The following SH3PXD2A variants were observed in gnomAD, a reference collection of about 807,000 sequenced individuals.
SH3PXD2A encodes SH3 and PX domain-containing protein 2A.
A neutral mutation model predicts 115.2 loss-of-function variants in SH3PXD2A; 32 were observed. That is an observed-to-expected ratio of 0.28 (90% CI 0.21 to 0.37). SH3PXD2A has a LOEUF of 0.37. Ranked by LOEUF, SH3PXD2A falls within the 10% of genes least tolerant of loss-of-function variation. SH3PXD2A has a pLI of 1.00. For synonymous variants in SH3PXD2A, 610 were observed against 629.1 expected, an observed-to-expected ratio of 0.97 and a Z score of 0.45; for missense variants, 1,328 against 1,498.7, an observed-to-expected ratio of 0.89 and a Z score of 1.88.
intron 4 of SH3PXD2A, among the ~76,000 whole-genome samples, chr10:103,728,017 G>A (rs149270614): frequency 1.6e-4 from 24 of 152,388 alleles, no homozygotes; most frequent in African/African-American, 5.8e-4. Context: ...TAGGGGGCCA[G>A]ATAATGGGCA....
At chr10:103,738,134 T>A (rs1214515368) in intron 3 of SH3PXD2A, among the ~76,000 whole-genome samples, 1 of 152,252 alleles carries the variant, frequency 6.6e-6, no homozygotes, top group Non-Finnish European at 1.5e-5. Flanking sequence ...GCCATCTCCC[T>A]GTCAGATGGA....
intron 8 of SH3PXD2A, 50 bp downstream of exon 8, chr10:103,660,933 C>T (rs774399973): frequency 1.9e-6 from 3 of 1,605,070 alleles, no homozygotes; most frequent in South Asian, 2.2e-5. Context: ...CAGCTCGGCC[C>T]GGGGGCCAGA....
At chr10:103,604,166 CCCT>C (rs1291881477) in intron 14 of SH3PXD2A, among the ~76,000 whole-genome samples, 1 of 152,240 alleles carries the variant, frequency 6.6e-6, no homozygotes, top group Non-Finnish European at 1.5e-5. Flanking sequence ...GCTGCCCCTT[CCCT>C]CCTCGTACCC....
intron 2 of SH3PXD2A, among the ~76,000 whole-genome samples, chr10:103,797,704 C>T (rs1205967845): frequency 1.8e-5 from 2 of 109,750 alleles, no homozygotes; most frequent in African/African-American, 7.2e-5. Flanking sequence ...TGCTTCAGAT[C>T]TTAGAATCTG....
chr10:103,791,693 C>A (rs2039037896), intron 2 of SH3PXD2A, among the ~76,000 whole-genome samples: 1 of 152,132 alleles, frequency 6.6e-6, no homozygotes, highest in Non-Finnish European at 1.5e-5. Context: ...TGCTTGGAAC[C>A]AGGTCCCGAG....
chr10:103,742,774 GTC>G (rs1312307825), intron 3 of SH3PXD2A, among the ~76,000 whole-genome samples: 2 of 152,214 alleles, frequency 1.3e-5, no homozygotes, highest in East Asian at 1.9e-4. Context: ...CAGCTCCGGA[GTC>G]TCAGCCTGAG....
Position 103,757,475 on chromosome 10 carries a change from C to T in SH3PXD2A, c.229+9619G>A, listed in dbSNP as rs189087176. Among the ~76,000 whole-genome samples the T allele has an allele frequency of 7.9e-5, 12 of 152,188 alleles. No homozygotes were observed. The East Asian group carries it at 1.2e-3, about 15-fold the overall frequency. On this transcript the variant is annotated intron_variant, in intron 3 of 14. Transcript: ENST00000369774. ...TACCTAGGATACAATCCATCCAGGA[C>T]GGAGGGTTGGGGGTAGGTGTTCAGG...
At chr10:103,769,393 T>C (rs1051941809) in intron 2 of SH3PXD2A, among the ~76,000 whole-genome samples, 6 of 151,958 alleles carry the variant, frequency 3.9e-5, no homozygotes, top group African/African-American at 1.4e-4. Context: ...TGAATACAGA[T>C]GGATATTTAA....
chr10:103,723,336 C>T (rs2038204931), intron 5 of SH3PXD2A, among the ~76,000 whole-genome samples: 1 of 152,174 alleles, frequency 6.6e-6, no homozygotes, highest in Admixed American at 6.5e-5. Context: ...TCTCTCTTAC[C>T]CAACACCCCT....
chr10:103,684,138 C>T (rs1463063055), intron 6 of SH3PXD2A, among the ~76,000 whole-genome samples: 1 of 152,064 alleles, frequency 6.6e-6, no homozygotes, highest in African/African-American at 2.4e-5. Context: ...AAGGGAGGTA[C>T]CAGAGACCTC....
In SH3PXD2A at chr10:103,596,505, G is replaced by C. The variant is rs375253771; in HGVS notation, c.*5311C>G. ...GTGAATGACACACTTGCTGCCAGAA[G>C]CTGTGAGTCCCTTGGGACCTGCCCA... On this transcript the variant is annotated 3_prime_UTR_variant, in exon 15 of 15. Transcript: ENST00000369774. 14 of 152,598 alleles carry C rather than the reference G, an allele frequency of 9.2e-5. No homozygotes were observed. Among genetic ancestry groups the C allele is most frequent in the East Asian group, 3.8e-4 (2 of 5,200 alleles). The allele number at this position is 152,598 out of a possible 1,614,324, so 9.5% of individuals were successfully genotyped here. A position where few individuals can be genotyped will look rare whatever the true frequency, so the allele number is the denominator to read the frequency against.
chr10:103,721,562 C>T (rs926464534), intron 5 of SH3PXD2A, among the ~76,000 whole-genome samples: 11 of 152,178 alleles, frequency 7.2e-5, no homozygotes, highest in African/African-American at 2.4e-4. Flanking sequence ...GCTTTTGTGG[C>T]GATACACCTG....
chr10:103,735,386 CA>C, intron 4 of SH3PXD2A, among the ~76,000 whole-genome samples: 1 of 152,348 alleles, frequency 6.6e-6, no homozygotes, highest in South Asian at 2.1e-4. Flanking sequence ...CTATGTCCAG[CA>C]AAATCTCACA....
In SH3PXD2A at chr10:103,800,882, C is replaced by T. The variant is rs1216229448; in HGVS notation, c.153+400G>A. 5.9e-5 allele frequency among the ~76,000 whole-genome samples: 9 copies of T among 152,318 alleles called. No individual in the cohort carries two copies. In the East Asian group the frequency reaches 1.5e-3, roughly 26 times the overall value. ...TGAAAAAATTGCTTATTTTCTGTTT[C>T]GGTCTTCCCTGAGTGTTTGCTTTTC... On this transcript the variant is annotated intron_variant, in intron 2 of 14. Coordinates refer to ENST00000369774, the MANE Select transcript of SH3PXD2A (RefSeq NM_001394015.1).
Position 103,680,615 on chromosome 10 carries a change from T to C in SH3PXD2A, c.428-11963A>G, listed in dbSNP as rs149535147. Among the ~76,000 whole-genome samples, 24 of 152,310 alleles carry C rather than the reference T, an allele frequency of 1.6e-4. No individual in the cohort carries two copies. In the East Asian group the frequency reaches 4.2e-3, roughly 27 times the overall value. On this transcript the variant is annotated intron_variant, in intron 6 of 14. Transcript: ENST00000369774. ...AGCACAAGGAAGCAAAGGGACTTTC[T>C]AACATGACCCAGTTGTCTTGGTGCA...
chr10:103,774,307 A>C (rs974123965), intron 2 of SH3PXD2A, among the ~76,000 whole-genome samples: 1 of 152,200 alleles, frequency 6.6e-6, no homozygotes, highest in African/African-American at 2.4e-5. Flanking sequence ...TATTCAAGTT[A>C]AGTGATCCTT....
chr10:103,764,681 A>C (rs991095439), intron 3 of SH3PXD2A, among the ~76,000 whole-genome samples: 1 of 152,168 alleles, frequency 6.6e-6, no homozygotes, highest in Non-Finnish European at 1.5e-5. Context: ...CCTCACTGCA[A>C]TCCTGTAAGT....
rs571397252 is a variant in SH3PXD2A, at chr10:103,807,193, G to C, written c.73-5831C>G. Reference sequence around the variant, plus strand: ...TGGAGGGATGTCCATGATTTGATCTGGTCTGGGACCAATTAGAAACTGCAA... The same window carrying C: ...TGGAGGGATGTCCATGATTTGATCTCGTCTGGGACCAATTAGAAACTGCAA... On this transcript the variant is annotated intron_variant, in intron 1 of 14. Transcript: ENST00000369774. Among the ~76,000 whole-genome samples, 17 of 152,294 alleles carry C rather than the reference G, an allele frequency of 1.1e-4. No homozygotes were observed. The East Asian group carries it at 3.1e-3, about 28-fold the overall frequency.
At chr10:103,745,196 A>G (rs7899942) in intron 3 of SH3PXD2A, among the ~76,000 whole-genome samples, 12,259 of 152,302 alleles carry the variant, frequency 0.08, 1,295 homozygotes, top group East Asian at 0.29. Flanking sequence ...GAAGCCTATC[A>G]GAGAATTAAG....
Sources: allele counts gnomAD v4.1 joint callset (sites outside exome capture counted in the v4.1 genomes callset), GRCh38; gene constraint gnomAD v4.1.1; transcripts MANE v1.5; gene names NCBI Gene and HGNC (gene_info 2026-07-23, HGNC 2026-07-21).